Variants in ZNF750 observed in about 807,000 individuals in gnomAD.
ZNF750 encodes the protein protein ZNF750.
A neutral mutation model predicts 31.6 loss-of-function variants in ZNF750; 10 were observed. That is an observed-to-expected ratio of 0.32 (90% CI 0.19 to 0.54). ZNF750 has a LOEUF of 0.54. Ranked by LOEUF, ZNF750 falls within the 20% of genes least tolerant of loss-of-function variation. The probability of loss-of-function intolerance (pLI) is 0.95; values close to 1 mark genes in which losing one functional copy is unlikely to be tolerated. For synonymous variants in ZNF750, 400 were observed against 404.9 expected (o/e 0.99, Z 0.15); for missense variants, 914 against 934.9 (o/e 0.98, Z 0.29).
Position 82,838,844 on chromosome 17 carries a change from A to AACGCTC in ZNF750, c.-183+1077_-183+1082dup, listed in dbSNP as rs1199069434. ...AGTTACAGACCTGAGCTCGTAAACA[A>AACGCTC]ACGCTCACCACTTTACAGTCGCCGC... On this transcript the variant is annotated intron_variant, in intron 1 of 2. Coordinates refer to ENST00000269394, the MANE Select transcript of ZNF750 (RefSeq NM_024702.3). The AACGCTC allele has an allele frequency of 3.0e-6, 3 of 985,332 alleles. No individual in the cohort carries two copies. The African/African-American group carries it at 5.2e-5, about 17-fold the overall frequency. The allele number at this position is 985,332 out of a possible 1,614,324, so 61.0% of individuals were successfully genotyped here.
chr17:82,834,872 A>G lies in ZNF750; in HGVS notation c.-182-2236T>C, dbSNP rs115935734. On this transcript the variant is annotated intron_variant, in intron 1 of 2. Coordinates refer to ENST00000269394, the MANE Select transcript of ZNF750 (RefSeq NM_024702.3). ...TTCTGCACTTGTGTCCTGGAACTTA[A>G]AGTATAATAAAAAAAAAATACATTA... Among the ~76,000 whole-genome samples, 1,136 of 151,358 alleles carry G rather than the reference A, an allele frequency of 7.5e-3. 10 individuals are homozygous for G. Among genetic ancestry groups the G allele is most frequent in the African/African-American group, 0.027 (1,084 of 40,688 alleles).
intron 1 of ZNF750, among the ~76,000 whole-genome samples, chr17:82,838,334 T>A (rs1213581981): frequency 8.4e-6 from 1 of 119,416 alleles, no homozygotes; most frequent in African/African-American, 3.1e-5. Flanking sequence ...GAAAGAGTTC[T>A]TAAAAAAAAA....
At chr17:82,839,492 C>T (rs1233137769) in intron 1 of ZNF750, among the ~76,000 whole-genome samples, 2 of 151,584 alleles carry the variant, frequency 1.3e-5, no homozygotes, top group Non-Finnish European at 2.9e-5. Flanking sequence ...TATATATAAC[C>T]CTAAATTCAG....
At chr17:82,834,658 G>C (rs1266126858) in intron 1 of ZNF750, among the ~76,000 whole-genome samples, 1 of 151,686 alleles carries the variant, frequency 6.6e-6, no homozygotes, top group African/African-American at 2.4e-5. Flanking sequence ...ATAAGTGGGA[G>C]CTGAACAGTG....
chr17:82,835,501 C>T lies in ZNF750; in HGVS notation c.-182-2865G>A, dbSNP rs945943952. On this transcript the variant is annotated intron_variant, in intron 1 of 2. Transcript: ENST00000269394. This position sits in a 1 kb window ranked among gnomAD's most constrained non-coding sequence, Gnocchi z 4.5. Reference sequence around the variant, plus strand: ...GCAGTGGTGCGATCTCGGTTCACTGCAACCTCTGCCTCCTGGGTTCAAGAG... The same window carrying T: ...GCAGTGGTGCGATCTCGGTTCACTGTAACCTCTGCCTCCTGGGTTCAAGAG... 3.9e-5 allele frequency among the ~76,000 whole-genome samples: 6 copies of T among 152,184 alleles called. No individual in the cohort carries two copies. Among genetic ancestry groups the T allele is most frequent in the Admixed American group, 6.5e-5 (1 of 15,280 alleles).
In ZNF750 at chr17:82,833,816, C is replaced by T. The variant is rs902806013; in HGVS notation, c.-182-1180G>A. On this transcript the variant is annotated intron_variant, in intron 1 of 2. Transcript: ENST00000269394. The surrounding 1 kb of genome is among the most constrained non-coding windows in gnomAD (Gnocchi z 4.7). ...CACCCACTCAGGTCCTGGGACCCAC[C>T]AGAGGCTGTGTGTGTGATGTCAGAG... Among the ~76,000 whole-genome samples, 2 of 152,128 alleles carry T rather than the reference C, an allele frequency of 1.3e-5. No individual in the cohort carries two copies. The highest frequency in any genetic ancestry group is 4.8e-5 in the African/African-American group (2 of 41,360).
In ZNF750 at chr17:82,830,178, T is replaced by A; in HGVS notation, c.2136A>T (p.Arg712Ser). 1 of 1,614,192 alleles carries A rather than the reference T, an allele frequency of 6.2e-7. No individual in the cohort carries two copies. The highest frequency in any genetic ancestry group is 2.2e-5 in the East Asian group (1 of 44,886). Residue 712 changes from arginine to serine, a missense_variant, in exon 3 of 3, where the codon AGA becomes AGT. By Grantham distance (110) the Arg-to-Ser change is moderately radical. Coordinates refer to ENST00000269394, the MANE Select transcript of ZNF750 (RefSeq NM_024702.3). ...AKKAKLQDTA[R>S]VFTLRRRARV... ...GGGCCCTCCTTCGTAGTGTGAACAC[T>A]CTGGCCGTGTCCTGCAGCTTCGCCT... is the stretch of plus-strand genomic sequence containing the variant.
chr17:82,837,992 G>A (rs2054129653), intron 1 of ZNF750, among the ~76,000 whole-genome samples: 1 of 152,238 alleles, frequency 6.6e-6, no homozygotes, highest in African/African-American at 2.4e-5. Flanking sequence ...ATTTACAGAT[G>A]CCACTCTGTG....
intron 1 of ZNF750, among the ~76,000 whole-genome samples, chr17:82,837,824 G>T (rs965797381): frequency 1.3e-5 from 2 of 152,130 alleles, no homozygotes; most frequent in Non-Finnish European, 2.9e-5. Flanking sequence ...CACCTCCTCC[G>T]AGCCTGGCCT....
chr17:82,833,480 A>G lies in ZNF750; in HGVS notation c.-182-844T>C, dbSNP rs1473875775. ...TTAAGTAGCATTTATGTTGTCTCAG[A>G]TATGAATACAAATGCTATATTTATG... On this transcript the variant is annotated intron_variant, in intron 1 of 2. Coordinates refer to ENST00000269394, the MANE Select transcript of ZNF750 (RefSeq NM_024702.3). The surrounding 1 kb of genome is among the most constrained non-coding windows in gnomAD (Gnocchi z 4.7). Among the ~76,000 whole-genome samples the G allele has an allele frequency of 6.6e-6, 1 of 152,238 alleles. No homozygotes were observed. Among genetic ancestry groups the G allele is most frequent in the Non-Finnish European group, 1.5e-5 (1 of 68,042 alleles).
Position 82,831,723 on chromosome 17 carries a change from A to AGGC in ZNF750, c.729_731dup (p.Pro244dup). On this transcript the variant is annotated inframe_insertion, in exon 2 of 3. Transcript: ENST00000269394. This position sits in a 1 kb window ranked among gnomAD's most constrained non-coding sequence, Gnocchi z 4.6. ...CCAGCCCGTGCTCTGTGTAAAAGTG[A>AGGC]GGCGGGTACTCTGGGATTGTGGGGT... 1 of 1,614,062 alleles carries AGGC rather than the reference A, an allele frequency of 6.2e-7. No homozygotes were observed. The highest frequency in any genetic ancestry group is 1.1e-5 in the South Asian group (1 of 91,086).
Position 82,832,160 on chromosome 17 carries a change from C to T in ZNF750, c.295G>A (p.Asp99Asn), listed in dbSNP as rs145679392. Residue 99 changes from aspartate (D) to asparagine (N), a missense_variant, in exon 2 of 3, where the codon GAC becomes AAC. Transcript: ENST00000269394. The surrounding 1 kb of genome is among the most constrained non-coding windows in gnomAD (Gnocchi z 4.9). ...GCAGAGCTGTGCTGAAGCTTCGAGT[C>T]GAAGGCAGAGAGTCCATTTGCGACA... ...KSVANGLSAF[D>N]SKLQHSSARE... 478 of 1,614,170 alleles carry T rather than the reference C, an allele frequency of 3.0e-4. 3 individuals carry two copies. Among genetic ancestry groups the T allele is most frequent in the South Asian group, 2.0e-3 (185 of 91,080 alleles).
Position 82,831,922 on chromosome 17 carries a change from G to A in ZNF750, c.533C>T (p.Ala178Val), listed in dbSNP as rs965277222. Residue 178 changes from alanine (A) to valine (V), a missense_variant, in exon 2 of 3, where the codon GCG becomes GTG. By Grantham distance (64) the Ala-to-Val change is moderately conservative. Coordinates refer to ENST00000269394, the MANE Select transcript of ZNF750 (RefSeq NM_024702.3). This position sits in a 1 kb window ranked among gnomAD's most constrained non-coding sequence, Gnocchi z 4.6. The stretch of plus-strand genomic sequence containing the variant: ...GTTGTGTAAAGCCAGTGTCTCGGGC[G>A]CCTCGGCGTTGTCTGGCCCCTTGAG... ...HRLKGPDNAE[A>V]PETLALHNPT... 5.6e-6 allele frequency: 9 copies of A among 1,614,172 alleles called. No homozygotes were observed. Among genetic ancestry groups the A allele is most frequent in the African/African-American group, 2.7e-5 (2 of 75,052 alleles).
rs1040401049 is a variant in ZNF750, at chr17:82,832,435, C to G, written c.20G>C (p.Arg7Pro). The G allele has an allele frequency of 2.5e-6, 4 of 1,612,496 alleles. No individual in the cohort carries two copies. Among genetic ancestry groups the G allele is most frequent in the Non-Finnish European group, 3.4e-6 (4 of 1,180,010 alleles). ...GATGTAATGTGGCTTTTTTGGCTTC[C>G]GCTCTTTGAGGAGACTCATTTTCCT... MSLLKE[R>P]KPKKPHYIPR... Residue 7 changes from arginine to proline, a missense_variant, in exon 2 of 3, where the codon CGG becomes CCG. Transcript: ENST00000269394. The surrounding 1 kb of genome is among the most constrained non-coding windows in gnomAD (Gnocchi z 4.9).
At chr17:82,838,916 G>A (rs2054217875) in intron 1 of ZNF750, 1 of 985,280 alleles carries the variant, frequency 1.0e-6, no homozygotes, top group African/African-American at 1.7e-5. Flanking sequence ...CTTTGCTAAT[G>A]CGCAGTGAAA....
At chr17:82,837,694 G>T (rs144037476) in intron 1 of ZNF750, among the ~76,000 whole-genome samples, 1 of 152,198 alleles carries the variant, frequency 6.6e-6, no homozygotes, top group Non-Finnish European at 1.5e-5. Context: ...GGCAGGAAGC[G>T]TTAGCAGGGT....
In ZNF750 at chr17:82,831,384, A is replaced by G. The variant is rs1222546863; in HGVS notation, c.1071T>C (p.Tyr357=). The change falls in exon 2 of 3, where the codon TAT becomes TAC. Residue 357 remains tyrosine, a synonymous_variant. Coordinates refer to ENST00000269394, the MANE Select transcript of ZNF750 (RefSeq NM_024702.3). This position sits in a 1 kb window ranked among gnomAD's most constrained non-coding sequence, Gnocchi z 4.6. ...SHLLEEATLV[Y]PASSPSRLNP... The stretch of plus-strand genomic sequence containing the variant: ...TTAACCTGGAAGGACTCGAGGCTGG[A>G]TAGACCAGGGTGGCTTCTTCAAGCA... The G allele has an allele frequency of 6.2e-7, 1 of 1,614,028 alleles. No homozygotes were observed. The highest frequency in any genetic ancestry group is 1.3e-5 in the African/African-American group (1 of 74,914).
At chr17:82,834,017 T>C (rs1281190241) in intron 1 of ZNF750, among the ~76,000 whole-genome samples, 1 of 151,998 alleles carries the variant, frequency 6.6e-6, no homozygotes, top group Non-Finnish European at 1.5e-5. Context: ...CAATCTCAGC[T>C]CACTGCAACC....
Position 82,833,948 on chromosome 17 carries a change from G to GTTT in ZNF750, c.-182-1315_-182-1313dup, listed in dbSNP as rs141969015. ...ACGCCCAAGGCTGAGAACAAAGGCT[G>GTTT]TTTTTCTTTTTTTGAGACAGAGTTT... is the stretch of plus-strand genomic sequence containing the variant. On this transcript the variant is annotated intron_variant, in intron 1 of 2. Coordinates refer to ENST00000269394, the MANE Select transcript of ZNF750 (RefSeq NM_024702.3). The surrounding 1 kb of genome is among the most constrained non-coding windows in gnomAD (Gnocchi z 4.7). Among the ~76,000 whole-genome samples, 1 of 148,260 alleles carries GTTT rather than the reference G, an allele frequency of 6.7e-6. No homozygotes were observed.
Sources: gnomAD v4.1 joint callset for allele counts (sites outside exome capture counted in the v4.1 genomes callset) on GRCh38, gnomAD v4.1.1 for gene constraint, Gnocchi (gnomAD v3.1) non-coding constraint, MANE v1.5 for transcripts, NCBI Gene and HGNC (gene_info 2026-07-23, HGNC 2026-07-21) for gene names.